Variants in ZFTRAF1 observed in about 807,000 individuals in gnomAD.
The protein encoded by ZFTRAF1 is zinc finger TRAF-type and ring finger containing 1, also known as zinc finger TRAF-type-containing protein 1.
At chr8:144,452,486 G>C in the ZFTRAF1 span, 1 of 1,546,806 alleles carries the variant, frequency 6.5e-7, no homozygotes, top group East Asian at 2.4e-5. Context: ...TGGTCGGGTG[G>C]GCGCACGCAG....
the ZFTRAF1 span, chr8:144,453,584 C>A: frequency 2.4e-6 from 2 of 835,716 alleles, no homozygotes; most frequent in Non-Finnish European, 3.7e-6. Context: ...GAGGGGCGCA[C>A]GTGCCTGTCC....
At chr8:144,456,093 T>C in the ZFTRAF1 span, 1 of 152,314 alleles carries the variant, frequency 6.6e-6, no homozygotes, top group South Asian at 2.1e-4. Flanking sequence ...TCAGCCCCAA[T>C]AGCTCCATTC....
the ZFTRAF1 span, chr8:144,450,199 T>TGAGCCGGAGGCGGGGGC: frequency 3.5e-6 from 2 of 574,178 alleles, no homozygotes; most frequent in Admixed American, 5.9e-5. Flanking sequence ...GTCGGGGGGG[T>TGAGCCGGAGGCGGGGGC]GAGCCGGAGG....
the ZFTRAF1 span, chr8:144,451,017 G>C: frequency 2.0e-6 from 1 of 508,048 alleles, no homozygotes. Context: ...GAGGCTGCAC[G>C]TGTCAGGCCA....
At chr8:144,461,233 A>G in the ZFTRAF1 span, among the ~76,000 whole-genome samples, 19 of 152,354 alleles carry the variant, frequency 1.2e-4, no homozygotes, top group African/African-American at 3.6e-4. Flanking sequence ...CAGGCCCCCA[A>G]TTCAAACACA....
chr8:144,450,381 ACTT>A, the ZFTRAF1 span: 1 of 713,846 alleles, frequency 1.4e-6, no homozygotes, highest in African/African-American at 1.7e-5. Flanking sequence ...GCCCCGCCCT[ACTT>A]CTGTATCTGG....
the ZFTRAF1 span, chr8:144,451,938 G>A: frequency 1.4e-5 from 4 of 279,060 alleles, no homozygotes; most frequent in African/African-American, 6.5e-5. Context: ...CTGCAGGTAG[G>A]ACCTCACTCG....
chr8:144,455,535 CCA>C, the ZFTRAF1 span: 1 of 132,900 alleles, frequency 7.5e-6, no homozygotes, highest in Admixed American at 7.9e-5. Flanking sequence ...GACCAAGGGC[CCA>C]CACCACTGTC....
At chr8:144,451,955 T>C in the ZFTRAF1 span, 1 of 293,190 alleles carries the variant, frequency 3.4e-6, no homozygotes, top group Non-Finnish European at 6.8e-6. Flanking sequence ...CTCGGCAGGG[T>C]GCTCTTCTTG....
the ZFTRAF1 span, among the ~76,000 whole-genome samples, chr8:144,459,097 T>C: frequency 1.3e-5 from 2 of 152,134 alleles, no homozygotes; most frequent in Admixed American, 6.5e-5. Context: ...AGGGCCAAAA[T>C]GGAGGGAGAG....
chr8:144,459,994 G>A, the ZFTRAF1 span, among the ~76,000 whole-genome samples: 1 of 152,296 alleles, frequency 6.6e-6, no homozygotes, highest in East Asian at 1.9e-4. Flanking sequence ...GCCCAACCAG[G>A]GACACGCAGA....
At chr8:144,462,243 C>T in the ZFTRAF1 span, 2 of 508,348 alleles carry the variant, frequency 3.9e-6, no homozygotes, top group African/African-American at 2.1e-5. Context: ...GGGGCTGCAG[C>T]CCCGGGCTGG....
the ZFTRAF1 span, chr8:144,452,091 G>A: frequency 5.6e-5 from 29 of 515,508 alleles, no homozygotes; most frequent in Non-Finnish European, 1.0e-4. Flanking sequence ...CAGGGATGGT[G>A]AAGCCAGGGT....
chr8:144,459,656 G>C, the ZFTRAF1 span, among the ~76,000 whole-genome samples: 1 of 152,210 alleles, frequency 6.6e-6, no homozygotes, highest in African/African-American at 2.4e-5. Flanking sequence ...ACAAGCTCTC[G>C]AGTTACTGAG....
the ZFTRAF1 span, among the ~76,000 whole-genome samples, chr8:144,452,946 C>T: frequency 1.3e-5 from 2 of 152,262 alleles, no homozygotes; most frequent in Non-Finnish European, 2.9e-5. Context: ...CTGCGTTGGA[C>T]ACGCTGTCCT....
At chr8:144,461,648 G>A in the ZFTRAF1 span, among the ~76,000 whole-genome samples, 1 of 152,214 alleles carries the variant, frequency 6.6e-6, no homozygotes, top group Non-Finnish European at 1.5e-5. Context: ...GCTGGGACTG[G>A]AGAAGGTACC....
the ZFTRAF1 span, chr8:144,453,344 G>A: frequency 3.9e-6 from 6 of 1,551,200 alleles, no homozygotes; most frequent in South Asian, 3.6e-5. Context: ...TCCGGCAGCA[G>A]AGGCTCTTAC....
chr8:144,459,261 G>C, the ZFTRAF1 span, among the ~76,000 whole-genome samples: 1 of 152,220 alleles, frequency 6.6e-6, no homozygotes, highest in South Asian at 2.1e-4. Flanking sequence ...CCACCTGCGC[G>C]GCCTGGTCAG....
At chr8:144,450,786 G>A in the ZFTRAF1 span, 3 of 683,854 alleles carry the variant, frequency 4.4e-6, no homozygotes, top group Admixed American at 2.1e-5. Flanking sequence ...GAGACAGACA[G>A]GGCCGGAAAG....
Sources: gnomAD v4.1 joint callset for allele counts (sites outside exome capture counted in the v4.1 genomes callset) on GRCh38, gnomAD v4.1.1 for gene constraint, MANE v1.5 for transcripts, NCBI Gene and HGNC (gene_info 2026-07-23, HGNC 2026-07-21) for gene names.